The following PRDM2 variants were observed in gnomAD, a reference collection of about 807,000 sequenced individuals.
PRDM2 encodes the protein PR/SET domain 2.
In PRDM2, 30 loss-of-function variants were observed where a neutral mutation model predicts 130.0. The ratio of observed to expected loss-of-function variants is 0.23; its 90% CI spans 0.17 to 0.31. The LOEUF (loss-of-function observed/expected upper bound fraction) is 0.31, where lower values mean the gene tolerates loss of function less well. Ranked by LOEUF, PRDM2 falls within the 10% of genes least tolerant of loss-of-function variation. The pLI is 1.00. For missense variants in PRDM2, 2,011 were observed against 2,108.4 expected, an observed-to-expected ratio of 0.95 and a Z score of 0.90; for synonymous variants, 871 against 782.4, an observed-to-expected ratio of 1.11 and a Z score of -1.89.
chr1:13,788,638 T>G (rs1557660736), intron 8 of PRDM2, among the ~76,000 whole-genome samples: 1 of 152,182 alleles, frequency 6.6e-6, no homozygotes, highest in Non-Finnish European at 1.5e-5. Flanking sequence ...TATTCCTCCC[T>G]TAGAAAAACA....
At chr1:13,719,242 G>C (rs1642646239) in intron 2 of PRDM2, among the ~76,000 whole-genome samples, 1 of 152,220 alleles carries the variant, frequency 6.6e-6, no homozygotes, top group African/African-American at 2.4e-5. Context: ...CCAGGAACCA[G>C]ATAGACACAT....
chr1:13,742,639 T>C (rs1036612036), intron 5 of PRDM2, among the ~76,000 whole-genome samples: 3 of 152,224 alleles, frequency 2.0e-5, no homozygotes, highest in Non-Finnish European at 4.4e-5. Flanking sequence ...GTGTGTGTCA[T>C]GGAGCTAAAG....
At chr1:13,735,315 G>A (rs560095405) in intron 4 of PRDM2, among the ~76,000 whole-genome samples, 2 of 152,312 alleles carry the variant, frequency 1.3e-5, no homozygotes, top group Admixed American at 6.5e-5. Flanking sequence ...AGCGTTCTTC[G>A]ATGAGTTTCT....
At chr1:13,797,465 T>A (rs1644939798) in intron 8 of PRDM2, among the ~76,000 whole-genome samples, 1 of 152,228 alleles carries the variant, frequency 6.6e-6, no homozygotes, top group African/African-American at 2.4e-5. Flanking sequence ...AACATTGTAA[T>A]TAATGATAGG....
At chr1:13,764,152 G>A (rs1338161624) in intron 6 of PRDM2, among the ~76,000 whole-genome samples, 1 of 152,098 alleles carries the variant, frequency 6.6e-6, no homozygotes, top group Admixed American at 6.5e-5. Context: ...ATTCTCGAGG[G>A]CGTGGCTGTC....
chr1:13,704,221 T>C (rs954990917), intron 1 of PRDM2, among the ~76,000 whole-genome samples: 1 of 152,362 alleles, frequency 6.6e-6, no homozygotes, highest in Admixed American at 6.5e-5. Flanking sequence ...TTCACTGGAA[T>C]GAATGCATGT....
chr1:13,729,937 A>AG (rs1408862556), intron 2 of PRDM2, among the ~76,000 whole-genome samples: 1 of 152,204 alleles, frequency 6.6e-6, no homozygotes, highest in African/African-American at 2.4e-5. Flanking sequence ...AAATGCTGAG[A>AG]GTATGCCAGT....
chr1:13,794,848 GC>G (rs1212076678), intron 8 of PRDM2, among the ~76,000 whole-genome samples: 10 of 152,216 alleles, frequency 6.6e-5, no homozygotes, highest in Non-Finnish European at 1.3e-4. Flanking sequence ...TCCTGCCTCT[GC>G]CCAGAGAGAA....
chr1:13,709,855 AATT>A (rs1236212572), intron 1 of PRDM2, among the ~76,000 whole-genome samples: 2 of 152,250 alleles, frequency 1.3e-5, no homozygotes, highest in African/African-American at 4.8e-5. Flanking sequence ...AACTTAAAAT[AATT>A]ATAAAATAGT....
Position 13,781,545 on chromosome 1 carries a change from A to G in PRDM2, c.3750A>G (p.Glu1250=), listed in dbSNP as rs1336632181. The G allele has an allele frequency of 1.2e-6, 2 of 1,612,370 alleles. No homozygotes were observed. Among genetic ancestry groups the G allele is most frequent in the Non-Finnish European group, 1.7e-6 (2 of 1,179,968 alleles). Residue 1250 remains glutamate (E), a synonymous_variant, in exon 8 of 10, where the codon GAA becomes GAG. Coordinates refer to ENST00000311066, the MANE Select transcript of PRDM2 (RefSeq NM_001393986.1). The surrounding 1 kb of genome is among the most constrained non-coding windows in gnomAD (Gnocchi z 6.1). ...AHVEHMQSLP[E]DPLETSKEEE... ...TAGAGCATATGCAGAGCTTGCCAGA[A>G]GATCCTTTAGAAACTTCTAAAGAAG...
intron 8 of PRDM2, among the ~76,000 whole-genome samples, chr1:13,798,791 A>G (rs571728389): frequency 1.3e-5 from 2 of 152,290 alleles, no homozygotes; most frequent in Admixed American, 1.3e-4. Flanking sequence ...ATCCTTCCCT[A>G]GTAGAGCCTC....
At chr1:13,745,691 G>A (rs975272515) in intron 5 of PRDM2, among the ~76,000 whole-genome samples, 1 of 152,130 alleles carries the variant, frequency 6.6e-6, no homozygotes, top group Non-Finnish European at 1.5e-5. Flanking sequence ...CAAAATGCTG[G>A]GATTTACAGG....
chr1:13,734,611 G>A (rs920597992), intron 4 of PRDM2, among the ~76,000 whole-genome samples: 1 of 152,160 alleles, frequency 6.6e-6, no homozygotes, highest in African/African-American at 2.4e-5. Context: ...TTGGAACCAT[G>A]ACTTATTAGA....
intron 6 of PRDM2, among the ~76,000 whole-genome samples, chr1:13,761,564 C>T (rs1439833376): frequency 1.3e-5 from 2 of 152,132 alleles, no homozygotes; most frequent in Non-Finnish European, 2.9e-5. Context: ...TACAAACTCA[C>T]AGCTTAACTT....
chr1:13,711,559 A>G (rs970885093), intron 1 of PRDM2, among the ~76,000 whole-genome samples: 5 of 152,220 alleles, frequency 3.3e-5, no homozygotes, highest in African/African-American at 1.2e-4. Flanking sequence ...TTGCTCAAGG[A>G]GTTGGCCAGT....
intron 6 of PRDM2, 59 bp from the exon 7 acceptor site, chr1:13,773,019 G>A (rs1644391017): frequency 1.0e-6 from 1 of 958,740 alleles, no homozygotes; most frequent in Non-Finnish European, 1.5e-6. Context: ...ATGAGGGAAT[G>A]AATGAATGAA....
At chr1:13,701,492 T>C (rs1039807057) in intron 1 of PRDM2, among the ~76,000 whole-genome samples, 7 of 152,130 alleles carry the variant, frequency 4.6e-5, no homozygotes, top group African/African-American at 1.7e-4. Context: ...AATTTACATA[T>C]ATTAAGGAGG....
At chr1:13,807,787 C>T (rs979558969) in intron 8 of PRDM2, among the ~76,000 whole-genome samples, 1 of 152,112 alleles carries the variant, frequency 6.6e-6, no homozygotes, top group African/African-American at 2.4e-5. Context: ...TAGATAATGC[C>T]CTTGCATTGT....
chr1:13,757,897 A>T (rs1034437442), intron 6 of PRDM2, among the ~76,000 whole-genome samples: 3 of 149,820 alleles, frequency 2.0e-5, no homozygotes, highest in African/African-American at 2.5e-5. Context: ...TAGCTGCTTG[A>T]CTCATACCAG....
Sources: gnomAD v4.1 joint callset for allele counts (sites outside exome capture counted in the v4.1 genomes callset) on GRCh38, gnomAD v4.1.1 for gene constraint, Gnocchi (gnomAD v3.1) non-coding constraint, MANE v1.5 for transcripts, NCBI Gene and HGNC (gene_info 2026-07-23, HGNC 2026-07-21) for gene names.